The following HIP1 variants were observed in gnomAD, a reference collection of about 807,000 sequenced individuals.
HIP1 encodes the protein huntingtin interacting protein 1.
In HIP1, 65 loss-of-function variants were observed where a neutral mutation model predicts 147.6. The ratio of observed to expected loss-of-function variants is 0.44; its 90% CI spans 0.36 to 0.54. HIP1 has a LOEUF of 0.54. HIP1 is among the 20% of genes least tolerant of loss of function. The pLI is 0.00. For synonymous variants in HIP1, 479 were observed against 504.0 expected (o/e 0.95, Z 0.67); for missense variants, 1,061 against 1,299.6 (o/e 0.82, Z 2.82).
At chr7:75,713,888 C>T (rs532330247) in intron 1 of HIP1, among the ~76,000 whole-genome samples, 5 of 151,254 alleles carry the variant, frequency 3.3e-5, no homozygotes, top group African/African-American at 7.3e-5. Context: ...TTAGTAGAGA[C>T]AGGGTTTCAC....
At chr7:75,554,966 G>A (rs1392823785) in intron 19 of HIP1, among the ~76,000 whole-genome samples, 2 of 152,040 alleles carry the variant, frequency 1.3e-5, no homozygotes, top group African/African-American at 4.8e-5. Flanking sequence ...AGCACTTTGG[G>A]AGGCCAAGGT....
At chr7:75,567,399 TTTC>T (rs1332564578) in intron 9 of HIP1, among the ~76,000 whole-genome samples, 1 of 151,512 alleles carries the variant, frequency 6.6e-6, no homozygotes, top group Non-Finnish European at 1.5e-5. Flanking sequence ...ATGAAATCTC[TTTC>T]TTCTATATGC....
At chr7:75,607,874 C>G (rs1225929252) in intron 1 of HIP1, among the ~76,000 whole-genome samples, 1 of 151,986 alleles carries the variant, frequency 6.6e-6, no homozygotes, top group Non-Finnish European at 1.5e-5. Flanking sequence ...CACAGAGACA[C>G]GATCAGAATC....
At chr7:75,562,760 A>G (rs782580892) in intron 11 of HIP1, among the ~76,000 whole-genome samples, 175 bp downstream of exon 11, 1 of 152,150 alleles carries the variant, frequency 6.6e-6, no homozygotes, top group Non-Finnish European at 1.5e-5. Context: ...GCACCCATTT[A>G]TGACCCTTCT....
chr7:75,571,268 G>T lies in HIP1; in HGVS notation c.745+2493C>A, dbSNP rs587759915. On this transcript the variant is annotated intron_variant, in intron 8 of 30. Coordinates refer to ENST00000336926, the MANE Select transcript of HIP1 (RefSeq NM_005338.7). The stretch of plus-strand genomic sequence containing the variant: ...AAAAAGGCAGTGGTGATGTTCTACT[G>T]AGCAACAGAATACTTGGAAACAATG... 7.4e-4 allele frequency among the ~76,000 whole-genome samples: 113 copies of T among 152,250 alleles called. 1 individual carries two copies. The highest frequency in any genetic ancestry group is 2.5e-3 in the African/African-American group (104 of 41,550).
At chr7:75,729,583 C>T (rs547267389) in intron 1 of HIP1, among the ~76,000 whole-genome samples, 2 of 152,006 alleles carry the variant, frequency 1.3e-5, no homozygotes, top group East Asian at 1.9e-4. Context: ...GTCAGGAGTT[C>T]GAGACCAGCC....
At chr7:75,640,198 A>G (rs1554510276) in intron 1 of HIP1, among the ~76,000 whole-genome samples, 1 of 152,164 alleles carries the variant, frequency 6.6e-6, no homozygotes, top group East Asian at 1.9e-4. Context: ...TGTCCCCCCA[A>G]AATCAGATGG....
intron 1 of HIP1, among the ~76,000 whole-genome samples, chr7:75,609,903 CTTTT>C (rs56106169): frequency 2.3e-5 from 3 of 130,988 alleles, no homozygotes; most frequent in African/African-American, 8.5e-5. Flanking sequence ...CTCTTCTTTT[CTTTT>C]TTTTTTTTTT....
At chr7:75,663,992 A>G (rs1390663638) in intron 1 of HIP1, among the ~76,000 whole-genome samples, 10 of 29,610 alleles carry the variant, frequency 3.4e-4, no homozygotes, top group Non-Finnish European at 4.6e-4. Flanking sequence ...GTGTATATAT[A>G]TACACATATA....
intron 2 of HIP1, among the ~76,000 whole-genome samples, chr7:75,595,197 T>TTTCC (rs1554501617): frequency 8.0e-5 from 4 of 49,860 alleles, no homozygotes; most frequent in African/African-American, 3.4e-4. Flanking sequence ...CCTTTCTTTC[T>TTTCC]TTCTTTCTTT....
chr7:75,737,592 C>T (rs1286513741), intron 1 of HIP1, among the ~76,000 whole-genome samples: 3 of 152,110 alleles, frequency 2.0e-5, no homozygotes, highest in Admixed American at 6.6e-5. Context: ...GTGATCCACC[C>T]GCCTCGGCCT....
chr7:75,595,383 C>T (rs1796706279), intron 2 of HIP1, among the ~76,000 whole-genome samples: 1 of 151,134 alleles, frequency 6.6e-6, no homozygotes, highest in Non-Finnish European at 1.5e-5. Flanking sequence ...CGCTCTGTTG[C>T]CCAGGCTGGA....
intron 2 of HIP1, among the ~76,000 whole-genome samples, chr7:75,595,714 T>A (rs1796717991): frequency 6.6e-6 from 1 of 152,020 alleles, no homozygotes; most frequent in Non-Finnish European, 1.5e-5. Context: ...ATATAAGCAT[T>A]TTTATGCCCC....
chr7:75,723,254 C>T (rs1203782897), intron 1 of HIP1, among the ~76,000 whole-genome samples: 2 of 152,088 alleles, frequency 1.3e-5, no homozygotes, highest in African/African-American at 4.8e-5. Flanking sequence ...TCCCTGTAAT[C>T]CCAATTACTC....
In HIP1 at chr7:75,671,250, T is replaced by C. The variant is rs11974323; in HGVS notation, c.120+67551A>G. Among the ~76,000 whole-genome samples, 1,448 of 152,076 alleles carry C rather than the reference T, an allele frequency of 9.5e-3. 22 individuals carry two copies. Among genetic ancestry groups the C allele is most frequent in the African/African-American group, 0.034 (1,391 of 41,462 alleles). ...CTGGTATTACAGGCACCCGCCACCA[T>C]GCCTAGCTAATTTTTGTATTTTTAG... On this transcript the variant is annotated intron_variant, in intron 1 of 30. Coordinates refer to ENST00000336926, the MANE Select transcript of HIP1 (RefSeq NM_005338.7).
At chr7:75,574,641 T>A (rs1487268602) in intron 7 of HIP1, among the ~76,000 whole-genome samples, 1 of 150,474 alleles carries the variant, frequency 6.6e-6, no homozygotes, top group Admixed American at 6.6e-5. Flanking sequence ...GTTAACAGAC[T>A]TGTTGGAGAG....
At chr7:75,557,888 C>A in intron 15 of HIP1, 118 bp from the exon 16 acceptor site, 1 of 774,738 alleles carries the variant, frequency 1.3e-6, no homozygotes, top group Non-Finnish European at 2.2e-6. Flanking sequence ...GAATCACTTT[C>A]CTACCCACAG....
At position 75,677,336 on chromosome 7, in the gene HIP1, T is replaced by C. The variant is rs373322611; in HGVS notation, c.120+61465A>G. On this transcript the variant is annotated intron_variant, in intron 1 of 30. Transcript: ENST00000336926. ...AGACAAGCCTTTCAGCCAGGCGTGG[T>C]GGCTCACGCCTGTAATCCCAGCACT... Among the ~76,000 whole-genome samples, 10 of 150,554 alleles carry C rather than the reference T, an allele frequency of 6.6e-5. No individual in the cohort carries two copies. In the East Asian group the frequency reaches 1.6e-3, roughly 24 times the overall value.
chr7:75,677,137 G>A (rs1435798634), intron 1 of HIP1, among the ~76,000 whole-genome samples: 1 of 151,990 alleles, frequency 6.6e-6, no homozygotes, highest in African/African-American at 2.4e-5. Context: ...GGAGGTTGCA[G>A]TGGGCCGAGA....
Sources: gnomAD v4.1 joint callset for allele counts (sites outside exome capture counted in the v4.1 genomes callset) on GRCh38, gnomAD v4.1.1 for gene constraint, MANE v1.5 for transcripts, NCBI Gene and HGNC (gene_info 2026-07-23, HGNC 2026-07-21) for gene names.